The following PTTG1IP variants were observed in gnomAD, a reference collection of about 807,000 sequenced individuals.
The protein encoded by PTTG1IP is pituitary tumor-transforming gene 1 protein-interacting protein.
A neutral mutation model predicts 24.4 loss-of-function variants in PTTG1IP; 16 were observed. That is an observed-to-expected ratio of 0.66 (90% confidence interval 0.44 to 1.00). The LOEUF (loss-of-function observed/expected upper bound fraction) is 1.00. Ranked by LOEUF, PTTG1IP falls within the 50% of genes least tolerant of loss-of-function variation. PTTG1IP has a pLI of 0.00. For synonymous variants in PTTG1IP, 89 were observed against 96.8 expected, an observed-to-expected ratio of 0.92 and a Z score of 0.47; for missense variants, 241 against 245.8, an observed-to-expected ratio of 0.98 and a Z score of 0.13.
intron 3 of PTTG1IP, among the ~76,000 whole-genome samples, chr21:44,856,698 T>C (rs2083452163): frequency 6.6e-6 from 1 of 152,212 alleles, no homozygotes; most frequent in Non-Finnish European, 1.5e-5. Flanking sequence ...CTGAGAAAAG[T>C]TAACTAACCA....
chr21:44,872,698 T>A (rs79999188), intron 1 of PTTG1IP, among the ~76,000 whole-genome samples: 6,347 of 152,312 alleles, frequency 0.042, 195 homozygotes, highest in Non-Finnish European at 0.062. Flanking sequence ...GAGTCTCCTG[T>A]CATGCACTTT....
intron 3 of PTTG1IP, among the ~76,000 whole-genome samples, chr21:44,859,554 A>G (rs921790369): frequency 6.6e-6 from 1 of 152,238 alleles, no homozygotes; most frequent in Non-Finnish European, 1.5e-5. Context: ...CTTCATGAGA[A>G]GCTACATGCC....
intron 2 of PTTG1IP, among the ~76,000 whole-genome samples, chr21:44,862,460 G>A (rs1481158950): frequency 4.6e-5 from 7 of 152,154 alleles, no homozygotes; most frequent in African/African-American, 7.2e-5. Context: ...CGCAGGTTGC[G>A]GTGAGCCGAG....
rs530656257 is a variant in PTTG1IP at position 44,867,757 on chromosome 21, C to T, written c.116-2310G>A. Reference sequence around the variant, plus strand: ...GAAGTGGCGGGTATACAAGCGCGCACCACAAAATCCTGCAGCTTTGCTGTC... The same window carrying T: ...GAAGTGGCGGGTATACAAGCGCGCATCACAAAATCCTGCAGCTTTGCTGTC... On this transcript the variant is annotated intron_variant, in intron 1 of 5. Transcript: ENST00000330938. Among the ~76,000 whole-genome samples, 129 of 152,182 alleles carry T rather than the reference C, an allele frequency of 8.5e-4. 1 individual carries two copies. The highest frequency in any genetic ancestry group is 1.7e-3 in the Non-Finnish European group (119 of 68,002).
chr21:44,865,271 T>C, intron 2 of PTTG1IP, 124 bp downstream of exon 2: 1 of 936,912 alleles, frequency 1.1e-6, no homozygotes, highest in Non-Finnish European at 1.7e-6. Context: ...CCAAAAAACA[T>C]CCCCCCAAAT....
chr21:44,855,815 C>A (rs1042950561), intron 4 of PTTG1IP, among the ~76,000 whole-genome samples: 11 of 152,248 alleles, frequency 7.2e-5, no homozygotes, highest in Middle Eastern at 6.8e-3. Flanking sequence ...AGGGAAAGGG[C>A]GACAGGAGAG....
At chr21:44,864,790 T>A (rs1278518479) in intron 2 of PTTG1IP, among the ~76,000 whole-genome samples, 1 of 152,174 alleles carries the variant, frequency 6.6e-6, no homozygotes, top group African/African-American at 2.4e-5. Context: ...TCAGTCTCCA[T>A]CGGGAAGGCA....
intron 5 of PTTG1IP, among the ~76,000 whole-genome samples, chr21:44,854,362 T>C (rs1029444202): frequency 2.0e-5 from 3 of 152,234 alleles, no homozygotes; most frequent in Non-Finnish European, 2.9e-5. Context: ...GGACGACAGA[T>C]TCCTGAGGCC....
At chr21:44,851,666 C>A in intron 5 of PTTG1IP, 39 bp from the exon 6 acceptor site, 2 of 1,534,514 alleles carry the variant, frequency 1.3e-6, no homozygotes, top group South Asian at 1.3e-5. Context: ...TTCATTCATT[C>A]AACCAGAAAC....
At chr21:44,863,411 C>T (rs945128982) in intron 2 of PTTG1IP, among the ~76,000 whole-genome samples, 1 of 152,218 alleles carries the variant, frequency 6.6e-6, no homozygotes, top group Admixed American at 6.5e-5. Flanking sequence ...CCCAAGAGCA[C>T]ACCCACACAC....
chr21:44,854,715 AAT>A (rs1341040083), intron 5 of PTTG1IP, among the ~76,000 whole-genome samples: 1 of 152,302 alleles, frequency 6.6e-6, no homozygotes, highest in East Asian at 1.9e-4. Flanking sequence ...TCCTCTCCAA[AAT>A]CTCTCCAGAC....
chr21:44,866,973 T>C (rs761794848), intron 1 of PTTG1IP, among the ~76,000 whole-genome samples: 2 of 152,156 alleles, frequency 1.3e-5, no homozygotes, highest in Non-Finnish European at 2.9e-5. Context: ...AATTCCACTC[T>C]TAGTATTTCA....
chr21:44,855,678 CCCTCGCCCGCCG>C (rs1469839281), intron 4 of PTTG1IP, among the ~76,000 whole-genome samples: 1 of 152,204 alleles, frequency 6.6e-6, no homozygotes, highest in Non-Finnish European at 1.5e-5. Flanking sequence ...CCCGCTTCCA[CCCTCGCCCGCCG>C]CCAACCTGAC....
chr21:44,867,621 C>T (rs772964801), intron 1 of PTTG1IP, among the ~76,000 whole-genome samples: 3 of 152,246 alleles, frequency 2.0e-5, no homozygotes, highest in South Asian at 2.1e-4. Context: ...CAGGAGAGCA[C>T]GCTCATGTCT....
At chr21:44,863,739 A>C (rs949334167) in intron 2 of PTTG1IP, among the ~76,000 whole-genome samples, 5 of 152,270 alleles carry the variant, frequency 3.3e-5, no homozygotes, top group Non-Finnish European at 5.9e-5. Flanking sequence ...CACCAGGACC[A>C]GGCGCATTAG....
intron 3 of PTTG1IP, among the ~76,000 whole-genome samples, chr21:44,859,901 C>A (rs566110401): frequency 8.5e-5 from 13 of 152,100 alleles, no homozygotes; most frequent in Non-Finnish European, 1.2e-4. Flanking sequence ...GCAGAGGGAT[C>A]CAAGATGCAA....
At chr21:44,863,046 A>C (rs62221469) in intron 2 of PTTG1IP, among the ~76,000 whole-genome samples, 28,655 of 149,340 alleles carry the variant, frequency 0.19, 3,407 homozygotes, top group South Asian at 0.3. Context: ...CAAGCAGCTC[A>C]GGCAGCAGCA....
At chr21:44,854,900 A>G (rs949652210) in intron 5 of PTTG1IP, among the ~76,000 whole-genome samples, 1 of 152,242 alleles carries the variant, frequency 6.6e-6, no homozygotes, top group African/African-American at 2.4e-5. Context: ...GCGTGCCCAC[A>G]GGAAGCCAAA....
At chr21:44,854,607 TG>T (rs1245203029) in intron 5 of PTTG1IP, among the ~76,000 whole-genome samples, 1 of 152,216 alleles carries the variant, frequency 6.6e-6, no homozygotes, top group Non-Finnish European at 1.5e-5. Flanking sequence ...TCACGTGGTT[TG>T]GGGGAGTATA....
Sources: gnomAD v4.1 joint callset for allele counts (sites outside exome capture counted in the v4.1 genomes callset) on GRCh38, gnomAD v4.1.1 for gene constraint, MANE v1.5 for transcripts, NCBI Gene and HGNC (gene_info 2026-07-23, HGNC 2026-07-21) for gene names.